The following GAS2 variants were observed in gnomAD, a reference collection of about 807,000 sequenced individuals.
GAS2 encodes growth arrest-specific protein 2.
Under a neutral mutation model 37.5 loss-of-function variants are expected in GAS2, and 20 were observed. That is an observed-to-expected ratio of 0.53 (90% CI 0.37 to 0.77). The LOEUF (loss-of-function observed/expected upper bound fraction) is 0.77. Ranked by LOEUF, GAS2 falls within the 30% of genes least tolerant of loss-of-function variation. The pLI is 0.00. For missense variants in GAS2, 336 were observed against 373.4 expected, an observed-to-expected ratio of 0.90 and a Z score of 0.82; for synonymous variants, 144 against 132.2, an observed-to-expected ratio of 1.09 and a Z score of -0.61.
At chr11:22,681,549 T>C (rs530269946) in intron 2 of GAS2, among the ~76,000 whole-genome samples, 3 of 152,122 alleles carry the variant, frequency 2.0e-5, no homozygotes, top group Non-Finnish European at 4.4e-5. Context: ...TTTAACATGA[T>C]TTAATTGTAT....
chr11:22,698,447 G>A (rs924318596), intron 3 of GAS2, among the ~76,000 whole-genome samples: 4 of 151,914 alleles, frequency 2.6e-5, no homozygotes, highest in African/African-American at 4.8e-5. Flanking sequence ...GGTACAAGGA[G>A]GAACTGGTAC....
At chr11:22,693,057 G>T (rs1295804125) in intron 3 of GAS2, among the ~76,000 whole-genome samples, 1 of 151,922 alleles carries the variant, frequency 6.6e-6, no homozygotes, top group Non-Finnish European at 1.5e-5. Context: ...TTATGAAACC[G>T]TCTGGTTTCC....
At chr11:22,662,136 C>T (rs1237896431), upstream of GAS2, among the ~76,000 whole-genome samples, 4 of 152,132 alleles carry the variant, frequency 2.6e-5, no homozygotes, top group South Asian at 6.2e-4. Context: ...TTTCATTGCA[C>T]TCTTGTTATA....
intron 1 of GAS2, among the ~76,000 whole-genome samples, chr11:22,632,427 T>G (rs1411901625): frequency 6.6e-6 from 1 of 152,210 alleles, no homozygotes; most frequent in Non-Finnish European, 1.5e-5. Context: ...GCTGTTAGTC[T>G]AAAAGGTTTT....
At chr11:22,775,992 T>C (rs1477453959) in intron 7 of GAS2, among the ~76,000 whole-genome samples, 1 of 152,240 alleles carries the variant, frequency 6.6e-6, no homozygotes, top group Non-Finnish European at 1.5e-5. Flanking sequence ...TTTCTTTACA[T>C]GAGTTCATTA....
intron 3 of GAS2, among the ~76,000 whole-genome samples, chr11:22,725,689 G>T (rs1346046241): frequency 6.6e-6 from 1 of 152,104 alleles, no homozygotes; most frequent in Non-Finnish European, 1.5e-5. Context: ...CTCCCAGAGT[G>T]CTGGGATTAC....
intron 7 of GAS2, among the ~76,000 whole-genome samples, chr11:22,780,747 A>G (rs1855519805): frequency 6.6e-6 from 1 of 151,132 alleles, no homozygotes; most frequent in South Asian, 2.2e-4. Context: ...CACTGGTGGT[A>G]GGTCTCAGAC....
At chr11:22,710,248 A>T (rs1284757690) in intron 3 of GAS2, among the ~76,000 whole-genome samples, 1 of 152,184 alleles carries the variant, frequency 6.6e-6, no homozygotes, top group African/African-American at 2.4e-5. Context: ...TCTGTGAGCC[A>T]CTAAAATAAA....
chr11:22,732,801 AT>A (rs1409757355), intron 4 of GAS2, among the ~76,000 whole-genome samples: 313 of 151,316 alleles, frequency 2.1e-3, no homozygotes, highest in African/African-American at 7.1e-3. Context: ...CATCATCATC[AT>A]CATCATCATC....
At chr11:22,738,608 G>A (rs1278555875) in intron 5 of GAS2, among the ~76,000 whole-genome samples, 1 of 152,146 alleles carries the variant, frequency 6.6e-6, no homozygotes, top group African/African-American at 2.4e-5. Context: ...AGATGAATAA[G>A]TAAGATAAAG....
intron 3 of GAS2, among the ~76,000 whole-genome samples, chr11:22,693,755 G>A (rs1190260964): frequency 6.6e-6 from 1 of 152,142 alleles, no homozygotes; most frequent in Non-Finnish European, 1.5e-5. Flanking sequence ...TTTTCTGAAT[G>A]CATAGTAAAC....
chr11:22,645,846 T>TTTTC (rs1491477661), intron 1 of GAS2, among the ~76,000 whole-genome samples: 1 of 16 alleles, frequency 0.062, no homozygotes, highest in Non-Finnish European at 0.17. Flanking sequence ...TTTTCTTTTC[T>TTTTC]TTTTTTTTTT....
upstream of GAS2, among the ~76,000 whole-genome samples, chr11:22,662,669 AC>A (rs1160743305): frequency 2.0e-5 from 3 of 151,932 alleles, no homozygotes; most frequent in South Asian, 2.1e-4. Context: ...TAAAAAAAAA[AC>A]ACCTTCAACT....
chr11:22,799,953 C>T (rs575036409), intron 7 of GAS2, among the ~76,000 whole-genome samples: 1 of 152,166 alleles, frequency 6.6e-6, no homozygotes, highest in South Asian at 2.1e-4. Context: ...TTTAATTCAC[C>T]TAGTGAATGG....
intron 1 of GAS2, among the ~76,000 whole-genome samples, chr11:22,649,764 T>G (rs1164374995): frequency 6.6e-6 from 1 of 152,050 alleles, no homozygotes; most frequent in Non-Finnish European, 1.5e-5. Context: ...GGTGGTGATA[T>G]CCCCTTTATC....
chr11:22,770,247 T>C (rs1010587832), intron 7 of GAS2, among the ~76,000 whole-genome samples: 1 of 152,114 alleles, frequency 6.6e-6, no homozygotes, highest in Non-Finnish European at 1.5e-5. Context: ...CAAAATACCA[T>C]GGCACACGTA....
intron 1 of GAS2, 83 bp from the exon 2 acceptor site, chr11:22,674,767 C>T: frequency 1.9e-6 from 2 of 1,038,196 alleles, no homozygotes; most frequent in Non-Finnish European, 2.8e-6. Context: ...ACCCGCGGAT[C>T]CAGTTCATTA....
At chr11:22,747,299 T>A (rs954460025) in intron 5 of GAS2, among the ~76,000 whole-genome samples, 1 of 152,186 alleles carries the variant, frequency 6.6e-6, no homozygotes, top group Admixed American at 6.5e-5. Context: ...CAGACAGTGA[T>A]CTCTACCACT....
At chr11:22,765,734 G>A (rs539699253) in intron 7 of GAS2, among the ~76,000 whole-genome samples, 6 of 151,516 alleles carry the variant, frequency 4.0e-5, no homozygotes, top group African/African-American at 1.5e-4. Flanking sequence ...TGCCGAGATC[G>A]TGCCACTGCA....
Sources: gnomAD v4.1 joint callset for allele counts (sites outside exome capture counted in the v4.1 genomes callset) on GRCh38, gnomAD v4.1.1 for gene constraint, MANE v1.5 for transcripts, NCBI Gene and HGNC (gene_info 2026-07-23, HGNC 2026-07-21) for gene names.